KSR2: variants seen among roughly 807,000 people sequenced by gnomAD.
The protein encoded by KSR2 is kinase suppressor of ras 2.
In KSR2, 25 loss-of-function variants were observed where a neutral mutation model predicts 107.8. The observed-to-expected ratio is 0.23, with a 90% CI of 0.17 to 0.32. The LOEUF (loss-of-function observed/expected upper bound fraction) is 0.32. Ranked by LOEUF, KSR2 falls within the 10% of genes least tolerant of loss-of-function variation. The pLI is 1.00. For missense variants in KSR2, 887 were observed against 1,268.9 expected (o/e 0.70, Z 4.57); for synonymous variants, 480 against 507.0 (o/e 0.95, Z 0.71).
intron 1 of KSR2, among the ~76,000 whole-genome samples, chr12:117,914,377 C>G (rs796247942): frequency 5.5e-5 from 8 of 146,562 alleles, no homozygotes; most frequent in African/African-American, 2.0e-4. Flanking sequence ...TGCAGCGAGT[C>G]GAAATCACGC....
chr12:117,705,290 T>C (rs1320775290), intron 4 of KSR2, among the ~76,000 whole-genome samples: 1 of 152,148 alleles, frequency 6.6e-6, no homozygotes, highest in Non-Finnish European at 1.5e-5. Flanking sequence ...GAGGAGAAGA[T>C]CCATCTCTCA....
At chr12:117,930,960 T>C (rs1895681210) in intron 1 of KSR2, among the ~76,000 whole-genome samples, 1 of 152,070 alleles carries the variant, frequency 6.6e-6, no homozygotes, top group Non-Finnish European at 1.5e-5. Flanking sequence ...TTGATGTGGA[T>C]CTTTCAAACA....
At chr12:117,767,899 G>T (rs1889302271) in intron 3 of KSR2, among the ~76,000 whole-genome samples, 1 of 152,070 alleles carries the variant, frequency 6.6e-6, no homozygotes, top group Non-Finnish European at 1.5e-5. Flanking sequence ...GGGCCGGTGT[G>T]ACTGATCCCC....
At chr12:117,751,926 G>C (rs1360657469) in intron 4 of KSR2, among the ~76,000 whole-genome samples, 1 of 152,160 alleles carries the variant, frequency 6.6e-6, no homozygotes, top group African/African-American at 2.4e-5. Flanking sequence ...ATTACCCACA[G>C]ACTAGTCATT....
At chr12:117,929,035 C>T (rs1895618722) in intron 1 of KSR2, among the ~76,000 whole-genome samples, 1 of 152,158 alleles carries the variant, frequency 6.6e-6, no homozygotes, top group Non-Finnish European at 1.5e-5. Flanking sequence ...TGGAAGGGAA[C>T]AAGTAAACCC....
chr12:117,952,207 A>C (rs926679212), intron 1 of KSR2, among the ~76,000 whole-genome samples: 4 of 152,054 alleles, frequency 2.6e-5, no homozygotes, highest in African/African-American at 4.8e-5. Context: ...ATACACACCC[A>C]CACACACAGC....
chr12:117,772,109 T>A (rs1286795580), intron 3 of KSR2, among the ~76,000 whole-genome samples: 12 of 104,966 alleles, frequency 1.1e-4, no homozygotes, highest in South Asian at 6.6e-4. Context: ...CATACACACC[T>A]TTCCCCCAAA....
intron 1 of KSR2, among the ~76,000 whole-genome samples, chr12:117,868,458 AAT>A (rs1474013929): frequency 2.6e-5 from 4 of 151,970 alleles, no homozygotes; most frequent in Non-Finnish European, 5.9e-5. Context: ...AAACAATAAA[AAT>A]AAAAGTACCG....
At position 117,907,632 on chromosome 12, in the gene KSR2, G is replaced by A. The variant is rs1894896878; in HGVS notation, c.181-47201C>T. Among the ~76,000 whole-genome samples the A allele has an allele frequency of 6.6e-6, 1 of 152,164 alleles. No homozygotes were observed. On this transcript the variant is annotated intron_variant, in intron 1 of 19. Transcript: ENST00000339824. This position sits in a 1 kb window ranked among gnomAD's most constrained non-coding sequence, Gnocchi z 4.3. ...AAATGTGAATGGAAAAATCTGTAAG[G>A]AAACCAACCACCTGTAAGAGTACAA... is the stretch of plus-strand genomic sequence containing the variant.
In KSR2 at chr12:117,547,893, A is replaced by G. The variant is rs186380331; in HGVS notation, c.1518+7276T>C. ...AGGTGGATCACAAGGTCAGGAGTTC[A>G]AGACCAGCCTGGCCAACTAGTGAAA... On this transcript the variant is annotated intron_variant, in intron 9 of 19. Transcript: ENST00000339824. 3.4e-3 allele frequency among the ~76,000 whole-genome samples: 513 copies of G among 151,708 alleles called. 2 individuals are homozygous for G. The highest frequency in any genetic ancestry group is 0.012 in the African/African-American group (491 of 41,060).
intron 5 of KSR2, among the ~76,000 whole-genome samples, chr12:117,628,578 G>A (rs888223091): frequency 1.3e-5 from 2 of 152,116 alleles, no homozygotes; most frequent in African/African-American, 2.4e-5. Context: ...TGGAAGCTTC[G>A]TCCCAGAGGG....
chr12:117,683,555 C>T (rs530037293), intron 4 of KSR2, among the ~76,000 whole-genome samples: 4 of 152,236 alleles, frequency 2.6e-5, no homozygotes, highest in African/African-American at 9.6e-5. Flanking sequence ...AACATTTACA[C>T]CTGAAAAATA....
At position 117,842,073 on chromosome 12, in the gene KSR2, G is replaced by A. The variant is rs1368681513; in HGVS notation, c.472+13355C>T. On this transcript the variant is annotated intron_variant, in intron 3 of 19. Coordinates refer to ENST00000339824, the MANE Select transcript of KSR2 (RefSeq NM_173598.6). The surrounding 1 kb of genome is among the most constrained non-coding windows in gnomAD (Gnocchi z 4.2). Reference sequence around the variant, plus strand: ...TCCCCAAACCAGCAGCACCAGCGTCGCCTGGGAACTTGTTAATGCAGATTT... The same window carrying A: ...TCCCCAAACCAGCAGCACCAGCGTCACCTGGGAACTTGTTAATGCAGATTT... Among the ~76,000 whole-genome samples the A allele has an allele frequency of 1.3e-5, 2 of 152,210 alleles. No homozygotes were observed. The highest frequency in any genetic ancestry group is 2.9e-5 in the Non-Finnish European group (2 of 68,048).
chr12:117,877,525 C>A (rs745546518), intron 1 of KSR2, among the ~76,000 whole-genome samples: 8 of 152,078 alleles, frequency 5.3e-5, no homozygotes, highest in Non-Finnish European at 1.2e-4. Context: ...TATTCATAAT[C>A]ACAATCATAG....
intron 12 of KSR2, among the ~76,000 whole-genome samples, chr12:117,530,557 A>C (rs1223633681): frequency 1.3e-5 from 2 of 152,158 alleles, no homozygotes; most frequent in African/African-American, 4.8e-5. Flanking sequence ...TTCCATGTTC[A>C]GTGACATGGA....
chr12:117,641,803 T>C (rs1212513751), intron 5 of KSR2, among the ~76,000 whole-genome samples: 2 of 152,138 alleles, frequency 1.3e-5, no homozygotes, highest in African/African-American at 4.8e-5. Context: ...CACGGTTTAG[T>C]AGCACCTGAG....
chr12:117,564,509 C>T (rs1286877765), intron 7 of KSR2, among the ~76,000 whole-genome samples: 3 of 152,136 alleles, frequency 2.0e-5, no homozygotes, highest in Non-Finnish European at 4.4e-5. Context: ...ACTTTCATGG[C>T]AAATAGTTAA....
At chr12:117,778,054 T>C (rs1393377457) in intron 3 of KSR2, among the ~76,000 whole-genome samples, 2 of 152,146 alleles carry the variant, frequency 1.3e-5, no homozygotes, top group Admixed American at 6.5e-5. Context: ...AAAATAAATA[T>C]AATTTTTTGT....
chr12:117,749,876 C>A (rs1483450629), intron 4 of KSR2, among the ~76,000 whole-genome samples: 1 of 152,102 alleles, frequency 6.6e-6, no homozygotes, highest in African/African-American at 2.4e-5. Flanking sequence ...CCTATTCTTG[C>A]TCCAGAGCTA....
Sources: gnomAD v4.1 joint callset for allele counts (sites outside exome capture counted in the v4.1 genomes callset) on GRCh38, gnomAD v4.1.1 for gene constraint, Gnocchi (gnomAD v3.1) non-coding constraint, MANE v1.5 for transcripts, NCBI Gene and HGNC (gene_info 2026-07-23, HGNC 2026-07-21) for gene names.